The following NBPF3 variants were observed in gnomAD, a reference collection of about 807,000 sequenced individuals.
NBPF3 encodes NBPF member 3, also known as NBPF family member NBPF3.
Under a neutral mutation model 78.1 loss-of-function variants are expected in NBPF3, and 57 were observed. That is an observed-to-expected ratio of 0.73 (90% CI 0.59 to 0.91). NBPF3 has a LOEUF of 0.91. Among genes scored for constraint, NBPF3 ranks in the 40% least tolerant of loss-of-function variants. The pLI, the probability that NBPF3 is intolerant of heterozygous loss-of-function variation, is 0.00. For missense variants in NBPF3, 510 were observed against 715.3 expected (o/e 0.71, Z 3.27); for synonymous variants, 182 against 271.7 (o/e 0.67, Z 3.25).
At chr1:21,459,826 G>A (rs1641851550) in intron 2 of NBPF3, 1 of 278,036 alleles carries the variant, frequency 3.6e-6, no homozygotes, top group Non-Finnish European at 7.6e-6. Context: ...GTTTGAAGAT[G>A]CACGGTCAGT....
intron 2 of NBPF3, among the ~76,000 whole-genome samples, chr1:21,445,600 G>A (rs1473736622): frequency 1.3e-5 from 2 of 149,662 alleles, no homozygotes; most frequent in Admixed American, 6.8e-5. Context: ...AGCTTTGATG[G>A]CTCACCCCCT....
At chr1:21,451,921 AAC>A (rs1641333161) in intron 2 of NBPF3, 1 of 919,974 alleles carries the variant, frequency 1.1e-6, no homozygotes, top group Non-Finnish European at 1.3e-6. Context: ...TGCATACTCA[AAC>A]ACAGAGAGCT....
chr1:21,469,731 G>T (rs1245107391), intron 3 of NBPF3, among the ~76,000 whole-genome samples: 1 of 152,118 alleles, frequency 6.6e-6, no homozygotes, highest in Non-Finnish European at 1.5e-5. Context: ...CAAAAGAAAA[G>T]CAGAGAGTAC....
At chr1:21,467,036 T>A (rs1462672303) in intron 2 of NBPF3, 1 of 984,410 alleles carries the variant, frequency 1.0e-6, no homozygotes. Context: ...GTAAGCCACG[T>A]AACTCTGTGA....
chr1:21,446,203 C>T (rs962687223), intron 2 of NBPF3: 4 of 152,182 alleles, frequency 2.6e-5, no homozygotes, highest in Admixed American at 1.3e-4. Context: ...TGCATTGTCT[C>T]ATCTCGTTCT....
At chr1:21,478,704 G>A (rs992172877) in intron 9 of NBPF3, among the ~76,000 whole-genome samples, 9 of 152,218 alleles carry the variant, frequency 5.9e-5, no homozygotes, top group African/African-American at 1.7e-4. Context: ...TCTGTGCAGT[G>A]CTTTACCTGC....
chr1:21,453,750 C>T (rs745496416), intron 2 of NBPF3: 1 of 152,162 alleles, frequency 6.6e-6, no homozygotes, highest in Non-Finnish European at 1.5e-5. Context: ...AGGACAGAGA[C>T]CTGATGGAGT....
chr1:21,461,937 A>C (rs556198315), intron 2 of NBPF3, among the ~76,000 whole-genome samples: 6,850 of 152,060 alleles, frequency 0.045, 392 homozygotes, highest in African/African-American at 0.13. Flanking sequence ...TGAATAGATG[A>C]ATCCCCACCC....
chr1:21,465,445 G>C (rs559517012), intron 2 of NBPF3, among the ~76,000 whole-genome samples: 1 of 152,232 alleles, frequency 6.6e-6, no homozygotes, highest in East Asian at 1.9e-4. Flanking sequence ...GATCAACTTG[G>C]GGGTGGGACC....
upstream of NBPF3, among the ~76,000 whole-genome samples, chr1:21,439,272 C>A (rs1299914224): frequency 5.9e-5 from 9 of 151,990 alleles, no homozygotes; most frequent in African/African-American, 2.2e-4. Flanking sequence ...GAGCAAGACT[C>A]GAGGTCAGGA....
At chr1:21,468,281 C>A in intron 2 of NBPF3, 1 of 565,160 alleles carries the variant, frequency 1.8e-6, no homozygotes, top group Non-Finnish European at 2.5e-6. Context: ...CAAGGGTACA[C>A]GAACACTGAG....
chr1:21,457,994 T>A (rs762870371), intron 2 of NBPF3, among the ~76,000 whole-genome samples: 16 of 152,256 alleles, frequency 1.1e-4, no homozygotes, highest in Non-Finnish European at 2.1e-4. Flanking sequence ...TATGTGTATG[T>A]GGAAGTGTGC....
At position 21,473,505 on chromosome 1, in the gene NBPF3, T is replaced by C. The variant is rs1384147021; in HGVS notation, c.860T>C (p.Phe287Ser). 1 of 1,614,164 alleles carries C rather than the reference T, an allele frequency of 6.2e-7. No homozygotes were observed. The highest frequency in any genetic ancestry group is 2.2e-5 in the East Asian group (1 of 44,876). The stretch of plus-strand genomic sequence containing the variant: ...CCTTACGGGAACACCAGAATCACAT[T>C]TGAGGAAGACCAAGTCGACTCAACT... ...NQPYGNTRIT[F>S]EEDQVDSTLI... The change falls in exon 7 of 15, where the codon TTT becomes TCT. Residue 287 changes from phenylalanine to serine, a missense_variant. Around this residue, in one of 5 missense-constraint regions of NBPF3, gnomAD observed 440 missense variants for 478.2 expected, o/e 0.92. Coordinates refer to ENST00000318249, the MANE Select transcript of NBPF3 (RefSeq NM_032264.6).
At position 21,471,572 on chromosome 1, in the gene NBPF3, A is replaced by T; in HGVS notation, c.450A>T (p.Gln150His). Residue 150 changes from glutamine (Q) to histidine (H), a missense_variant, in exon 5 of 15, where the codon CAA becomes CAT. Physicochemically the swap from Gln to His is conservative, Grantham distance 24. Coordinates refer to ENST00000318249, the MANE Select transcript of NBPF3 (RefSeq NM_032264.6). The stretch of plus-strand genomic sequence containing the variant: ...TTTCTCTACTATCTCACCTTAGGCA[A>T]TATAAAGTCCTGGTTCACTCTCAGG... ...EELGQAEELRQYKVLVHSQER... is the reference protein window; with the variant it reads ...EELGQAEELRHYKVLVHSQER... The T allele has an allele frequency of 1.2e-6, 2 of 1,611,830 alleles. No homozygotes were observed. Among genetic ancestry groups the T allele is most frequent in the Non-Finnish European group, 1.7e-6 (2 of 1,179,758 alleles).
chr1:21,447,329 G>A (rs1234135043), intron 2 of NBPF3, among the ~76,000 whole-genome samples: 1 of 152,158 alleles, frequency 6.6e-6, no homozygotes, highest in African/African-American at 2.4e-5. Context: ...ATGGGTTTTG[G>A]CAATTACATA....
chr1:21,442,713 G>C (rs1363831591), intron 1 of NBPF3, among the ~76,000 whole-genome samples: 1 of 151,470 alleles, frequency 6.6e-6, no homozygotes, highest in African/African-American at 2.4e-5. Context: ...GCCCAGGCTA[G>C]AGTGTGGTGG....
intron 11 of NBPF3, among the ~76,000 whole-genome samples, chr1:21,480,569 C>T (rs200319385): frequency 0.023 from 3,456 of 151,842 alleles, no homozygotes; most frequent in East Asian, 0.087. Context: ...CTTGCAACCA[C>T]GAATGAGCTG....
At chr1:21,450,627 C>A (rs1250272823) in intron 2 of NBPF3, among the ~76,000 whole-genome samples, 2 of 152,134 alleles carry the variant, frequency 1.3e-5, no homozygotes, top group Non-Finnish European at 2.9e-5. Flanking sequence ...ATGCATTCAC[C>A]GTCTCCCCTA....
chr1:21,465,784 G>A (rs1642227720), intron 2 of NBPF3, among the ~76,000 whole-genome samples: 2 of 152,138 alleles, frequency 1.3e-5, no homozygotes, highest in South Asian at 4.2e-4. Context: ...AAAAAGAATC[G>A]TACTGCTAAG....
Sources: allele counts gnomAD v4.1 joint callset (sites outside exome capture counted in the v4.1 genomes callset), GRCh38; gene constraint gnomAD v4.1.1; regional missense constraint gnomAD v4.1.1; transcripts MANE v1.5; gene names NCBI Gene and HGNC (gene_info 2026-07-23, HGNC 2026-07-21).